CCDC30: variants seen among roughly 807,000 people sequenced by gnomAD.
CCDC30 encodes the protein coiled-coil domain-containing protein 30.
A neutral mutation model predicts 100.2 loss-of-function variants in CCDC30; 70 were observed. The observed-to-expected ratio is 0.70, with a 90% CI of 0.58 to 0.85. The LOEUF (loss-of-function observed/expected upper bound fraction) is 0.85. Ranked by LOEUF, CCDC30 falls within the 40% of genes least tolerant of loss-of-function variation. The pLI, the probability that CCDC30 is intolerant of heterozygous loss-of-function variation, is 0.00. For missense variants in CCDC30, 652 were observed against 771.2 expected (o/e 0.85, Z 1.83); for synonymous variants, 233 against 269.5 (o/e 0.86, Z 1.33).
intron 9 of CCDC30, among the ~76,000 whole-genome samples, chr1:42,586,474 TA>T (rs989898587): frequency 1.4e-3 from 207 of 150,288 alleles, no homozygotes; most frequent in African/African-American, 4.5e-3. Context: ...CCCAGCTAAT[TA>T]AAAAAAAAAT....
chr1:42,575,211 T>C (rs1645807927), intron 7 of CCDC30, among the ~76,000 whole-genome samples: 1 of 152,218 alleles, frequency 6.6e-6, no homozygotes, highest in African/African-American at 2.4e-5. Flanking sequence ...ACCACTTTTG[T>C]CTATGAGCCT....
intron 15 of CCDC30, among the ~76,000 whole-genome samples, chr1:42,648,488 G>A (rs113924974): frequency 6.6e-5 from 10 of 152,198 alleles, no homozygotes; most frequent in African/African-American, 2.2e-4. Flanking sequence ...GGTTAACACA[G>A]TGAAACCCTG....
At chr1:42,647,548 A>G (rs1647988096) in intron 15 of CCDC30, among the ~76,000 whole-genome samples, 1 of 152,212 alleles carries the variant, frequency 6.6e-6, no homozygotes, top group South Asian at 2.1e-4. Context: ...AAATCAACAA[A>G]TAGTGGAGTT....
chr1:42,618,743 C>G (rs1345024164), intron 11 of CCDC30, among the ~76,000 whole-genome samples: 1 of 152,148 alleles, frequency 6.6e-6, no homozygotes, highest in East Asian at 1.9e-4. Context: ...GCCTAGGCTC[C>G]CTCTATCTTG....
chr1:42,491,533 C>CAA (rs1644142033), intron 4 of CCDC30, among the ~76,000 whole-genome samples: 1 of 151,668 alleles, frequency 6.6e-6, no homozygotes, highest in Non-Finnish European at 1.5e-5. Context: ...AGAATAAGAC[C>CAA]TAGTATTTGA....
intron 10 of CCDC30, among the ~76,000 whole-genome samples, chr1:42,599,809 C>G (rs565620058): frequency 1.3e-5 from 2 of 152,282 alleles, no homozygotes; most frequent in South Asian, 4.1e-4. Context: ...GTGTATTAGT[C>G]TGTTCTCATG....
chr1:42,528,375 G>A (rs1341894226), intron 6 of CCDC30, among the ~76,000 whole-genome samples: 2 of 152,184 alleles, frequency 1.3e-5, no homozygotes, highest in Non-Finnish European at 2.9e-5. Flanking sequence ...ATATCCGTGT[G>A]AAGGAGGCTT....
exon 11 of CCDC30, chr1:42,611,001 G>A: frequency 6.2e-7 from 1 of 1,608,780 alleles, no homozygotes; most frequent in African/African-American, 1.3e-5. Flanking sequence ...ACCAGGAATT[G>A]TCAGAGAAGC....
At position 42,520,766 on chromosome 1, in the gene CCDC30, G is replaced by A. The variant is rs188520430; in HGVS notation, c.456+21850G>A. 1.1e-3 allele frequency among the ~76,000 whole-genome samples: 156 copies of A among 135,930 alleles called. 2 individuals are homozygous for A. The highest frequency in any genetic ancestry group is 0.011 in the Middle Eastern group (2 of 188). The allele number at this position is 135,930 out of a possible 152,430, so 89.2% of individuals were successfully genotyped here. Reference sequence around the variant, plus strand: ...TGCCATTCTCCTGCCTCAGCCTCCCGGGTAGCTGGGACTACAGGCACCTGC... The same window carrying A: ...TGCCATTCTCCTGCCTCAGCCTCCCAGGTAGCTGGGACTACAGGCACCTGC... On this transcript the variant is annotated intron_variant, in intron 6 of 16. Coordinates refer to ENST00000668663, the Ensembl canonical transcript of CCDC30.
chr1:42,577,124 A>G (rs999153043), exon 8 of CCDC30: 2 of 1,614,078 alleles, frequency 1.2e-6, no homozygotes, highest in Non-Finnish European at 1.7e-6. Flanking sequence ...AAATCAAGGA[A>G]CTGGAGTTGG....
chr1:42,526,992 C>A (rs1193627103), intron 6 of CCDC30, among the ~76,000 whole-genome samples: 1 of 152,100 alleles, frequency 6.6e-6, no homozygotes, highest in Admixed American at 6.6e-5. Context: ...CGTGTGTTCA[C>A]CATTTCAGAG....
intron 6 of CCDC30, among the ~76,000 whole-genome samples, chr1:42,549,773 T>C (rs1368459646): frequency 1.3e-5 from 2 of 152,158 alleles, no homozygotes; most frequent in Admixed American, 6.5e-5. Flanking sequence ...GAATCCGAAG[T>C]TGGAATTCCA....
At chr1:42,624,924 TCTC>T (rs1404613691) in intron 11 of CCDC30, among the ~76,000 whole-genome samples, 1 of 152,222 alleles carries the variant, frequency 6.6e-6, no homozygotes. Context: ...AAGATTTCCT[TCTC>T]CTCTATTTTT....
At chr1:42,599,917 C>A (rs2148623088) in intron 10 of CCDC30, among the ~76,000 whole-genome samples, 1 of 152,194 alleles carries the variant, frequency 6.6e-6, no homozygotes, top group Non-Finnish European at 1.5e-5. Context: ...AGGATACTTA[C>A]AATTATGGCA....
chr1:42,527,394 A>G (rs932379610), intron 6 of CCDC30, among the ~76,000 whole-genome samples: 1 of 152,192 alleles, frequency 6.6e-6, no homozygotes, highest in Non-Finnish European at 1.5e-5. Context: ...CTTATCAACT[A>G]CATTGTGACC....
At chr1:42,486,510 C>T (rs1484139000) in intron 3 of CCDC30, among the ~76,000 whole-genome samples, 1 of 152,172 alleles carries the variant, frequency 6.6e-6, no homozygotes, top group African/African-American at 2.4e-5. Context: ...GTGTGACCAG[C>T]CCTCAACAAA....
At chr1:42,655,897 A>G (rs1648643863), downstream of CCDC30, among the ~76,000 whole-genome samples, 1 of 124,846 alleles carries the variant, frequency 8.0e-6, no homozygotes, top group Non-Finnish European at 1.6e-5. Context: ...TTTTTGAGAC[A>G]GGGTCTCACT....
chr1:42,531,029 A>C (rs767917786), intron 6 of CCDC30, among the ~76,000 whole-genome samples: 1 of 152,186 alleles, frequency 6.6e-6, no homozygotes, highest in Non-Finnish European at 1.5e-5. Flanking sequence ...CCCAAATTTC[A>C]TGTTGAATTG....
chr1:42,613,227 GGATTATT>G (rs1646658289), intron 11 of CCDC30, among the ~76,000 whole-genome samples: 1 of 148,498 alleles, frequency 6.7e-6, no homozygotes, highest in South Asian at 2.2e-4. Flanking sequence ...AATATGGGGT[GGATTATT>G]CACGTGCTTT....
Sources: gnomAD v4.1 joint callset for allele counts (sites outside exome capture counted in the v4.1 genomes callset) on GRCh38, gnomAD v4.1.1 for gene constraint, MANE v1.5 for transcripts, NCBI Gene and HGNC (gene_info 2026-07-23, HGNC 2026-07-21) for gene names.